GZF1: variants seen among roughly 807,000 people sequenced by gnomAD.
The protein encoded by GZF1 is GDNF-inducible zinc finger protein 1.
Under a neutral mutation model 49.4 loss-of-function variants are expected in GZF1, and 28 were observed. That is an observed-to-expected ratio of 0.57 (90% CI 0.42 to 0.78). The LOEUF (loss-of-function observed/expected upper bound fraction) is 0.78. GZF1 is among the 30% of genes least tolerant of loss of function. The pLI is 0.00. For missense variants in GZF1, 798 were observed against 916.2 expected (o/e 0.87, Z 1.67); for synonymous variants, 364 against 356.0 (o/e 1.02, Z -0.25).
In GZF1 at chr20:23,370,483, T is replaced by C. The variant is rs1490775511; in HGVS notation, c.*42T>C. The C allele has an allele frequency of 1.6e-6, 2 of 1,258,292 alleles. No individual in the cohort carries two copies. The highest frequency in any genetic ancestry group is 1.9e-5 in the Admixed American group (1 of 51,448). The allele number at this position is 1,258,292 out of a possible 1,614,324, so 77.9% of individuals were successfully genotyped here. A position where few individuals can be genotyped will look rare whatever the true frequency, so the allele number is the denominator to read the frequency against. On this transcript the variant is annotated 3_prime_UTR_variant, in exon 6 of 6. Transcript: ENST00000338121. The stretch of plus-strand genomic sequence containing the variant: ...CCATCCTGTTAGTCTGCGTGTGTGG[T>C]AGCTGAACTCAAGATGATGTGGGGC...
At position 23,370,258 on chromosome 20, in the gene GZF1, T is replaced by C. The variant is rs777758152; in HGVS notation, c.1953T>C (p.Ala651=). 1 of 1,614,238 alleles carries C rather than the reference T, an allele frequency of 6.2e-7. No individual in the cohort carries two copies. Among genetic ancestry groups the C allele is most frequent in the Non-Finnish European group, 8.5e-7 (1 of 1,180,048 alleles). ...FAENGHFHNL[A]AVQDTVPTMQ... The stretch of plus-strand genomic sequence containing the variant: ...AAAATGGCCATTTCCACAACCTGGC[T>C]GCAGTCCAAGACACTGTACCTACCA... The change falls in exon 6 of 6, where the codon GCT becomes GCC. Residue 651 remains alanine, a synonymous_variant. Transcript: ENST00000338121.
At chr20:23,363,805 A>C (rs1299410390) in intron 1 of GZF1, among the ~76,000 whole-genome samples, 1 of 152,238 alleles carries the variant, frequency 6.6e-6, no homozygotes. Flanking sequence ...CAATAATTCA[A>C]ATTCTGAGGA....
At position 23,372,092 on chromosome 20, in the gene GZF1, T is replaced by A. The variant is rs959520942; in HGVS notation, c.*1651T>A. ...TCATACATCCAGAGGAGACCGAACC[T>A]GCCCAGCTGATGTACTGTTTTATGG... On this transcript the variant is annotated 3_prime_UTR_variant, in exon 6 of 6. Transcript: ENST00000338121. The A allele has an allele frequency of 1.3e-5, 2 of 152,660 alleles. No individual in the cohort carries two copies. The highest frequency in any genetic ancestry group is 1.5e-5 in the Non-Finnish European group (1 of 68,034). The allele number at this position is 152,660 out of a possible 1,614,324, so 9.5% of individuals were successfully genotyped here.
rs770445391 is a variant in GZF1, at chr20:23,365,364, G to A, written c.981G>A (p.Leu327=). ...FKCSICEKAF[L]YEKSFLKHSK... ...GCAGCATTTGCGAGAAGGCGTTTCT[G>A]TATGAGAAGAGCTTCCTGAAGCACA... The change falls in exon 2 of 6, where the codon CTG becomes CTA. Residue 327 remains leucine, a synonymous_variant. Coordinates refer to ENST00000338121, the MANE Select transcript of GZF1 (RefSeq NM_022482.5). 2.3e-5 allele frequency: 37 copies of A among 1,613,136 alleles called. No homozygotes were observed. Among genetic ancestry groups the A allele is most frequent in the Non-Finnish European group, 3.1e-5 (36 of 1,179,576 alleles).
chr20:23,366,410 T>C (rs1981394269), intron 2 of GZF1, among the ~76,000 whole-genome samples: 1 of 152,232 alleles, frequency 6.6e-6, no homozygotes, highest in Non-Finnish European at 1.5e-5. Context: ...GTGTTCATTT[T>C]TTACTCTATA....
chr20:23,365,235 A>G lies in GZF1; in HGVS notation c.852A>G (p.Ala284=). ...TTTCCAAAAATGAGGGTTGCCAGGC[A>G]GGTGCTGAGTTGGAGGAATTGTCAA... ...EQVSKNEGCQ[A]GAELEELSKK... The change falls in exon 2 of 6, where the codon GCA becomes GCG. Residue 284 remains alanine (A), a synonymous_variant. Transcript: ENST00000338121. 1 of 1,603,788 alleles carries G rather than the reference A, an allele frequency of 6.2e-7. No individual in the cohort carries two copies. Among genetic ancestry groups the G allele is most frequent in the Non-Finnish European group, 8.5e-7 (1 of 1,174,418 alleles).
chr20:23,368,230 CTG>C (rs1200631888), intron 3 of GZF1, among the ~76,000 whole-genome samples: 3 of 152,114 alleles, frequency 2.0e-5, no homozygotes, highest in Non-Finnish European at 4.4e-5. Context: ...ATTTTGATGT[CTG>C]TGAAATCGGG....
chr20:23,364,734 AT>A lies in GZF1; in HGVS notation c.352del (p.Cys118ValfsTer11). 1 of 1,614,274 alleles carries A rather than the reference AT, an allele frequency of 6.2e-7. No homozygotes were observed. Among genetic ancestry groups the A allele is most frequent in the Non-Finnish European group, 8.5e-7 (1 of 1,180,050 alleles). On this transcript the variant is annotated frameshift_variant, in exon 2 of 6. Coordinates refer to ENST00000338121, the MANE Select transcript of GZF1 (RefSeq NM_022482.5). LOFTEE classifies it high-confidence loss of function. ...TGCTGGAAGTGGCTGAAAAGCTGAA[AT>A]GTTTGGATTTATCAGAAACTTGTTT... ...RMLEVAEKLK[C>X]LDLSETCFQL... is the part of the protein sequence containing the mutation.
intron 4 of GZF1, among the ~76,000 whole-genome samples, 185 bp downstream of exon 4, chr20:23,369,114 C>T (rs1981757344): frequency 6.6e-6 from 1 of 152,182 alleles, no homozygotes; most frequent in Non-Finnish European, 1.5e-5. Flanking sequence ...AGTGGGAGCA[C>T]TTATGTGTGT....
chr20:23,367,475 C>G (rs1981532125), intron 3 of GZF1, among the ~76,000 whole-genome samples: 1 of 152,128 alleles, frequency 6.6e-6, no homozygotes, highest in Non-Finnish European at 1.5e-5. Context: ...GGGAAACAGC[C>G]TGATTGTCCA....
At chr20:23,365,988 A>T (rs1981326454) in intron 2 of GZF1, among the ~76,000 whole-genome samples, 2 of 152,206 alleles carry the variant, frequency 1.3e-5, no homozygotes, top group Non-Finnish European at 2.9e-5. Flanking sequence ...TGGGACCGCG[A>T]CAGCGGCCGC....
rs1168626691 is a variant in GZF1 at position 23,372,668 on chromosome 20, TCCAAGCACAG to T, written c.*2231_*2240del. On this transcript the variant is annotated 3_prime_UTR_variant, in exon 6 of 6. Coordinates refer to ENST00000338121, the MANE Select transcript of GZF1 (RefSeq NM_022482.5). The stretch of plus-strand genomic sequence containing the variant: ...GGAGCATCTGCCCCATTCCTCCAAG[TCCAAGCACAG>T]CCATGCTGAGTGGAAGCGAGGCCAC... 1.3e-5 allele frequency: 2 copies of T among 152,256 alleles called. No individual in the cohort carries two copies. The highest frequency in any genetic ancestry group is 1.3e-4 in the Admixed American group (2 of 15,284). The allele number at this position is 152,256 out of a possible 1,614,324, so 9.4% of individuals were successfully genotyped here.
intron 4 of GZF1, among the ~76,000 whole-genome samples, chr20:23,369,138 C>G (rs556758585): frequency 1.3e-5 from 2 of 152,212 alleles, no homozygotes; most frequent in Non-Finnish European, 1.5e-5. Flanking sequence ...CGGGAGAAGA[C>G]TAAGTCCCTT....
intron 5 of GZF1, 98 bp from the exon 6 acceptor site, chr20:23,369,993 G>T: frequency 9.1e-7 from 1 of 1,103,410 alleles, no homozygotes; most frequent in Admixed American, 2.1e-5. Flanking sequence ...ACTTATTAGT[G>T]AAAGTTGAAA....
At position 23,367,023 on chromosome 20, in the gene GZF1, C is replaced by G. The variant is rs771163531; in HGVS notation, c.1385C>G (p.Pro462Arg). 50 of 1,612,422 alleles carry G rather than the reference C, an allele frequency of 3.1e-5. No individual in the cohort carries two copies. The highest frequency in any genetic ancestry group is 4.1e-5 in the Non-Finnish European group (48 of 1,179,084). Residue 462 changes from proline to arginine, a missense_variant, in exon 3 of 6, where the codon CCT becomes CGT. Physicochemically the swap from Pro to Arg is moderately radical, Grantham distance 103. Transcript: ENST00000338121. Reference protein sequence around the residue: ...THMRIHTGEKPFVCDECGARF... With the variant: ...THMRIHTGEKRFVCDECGARF... Reference sequence around the variant, plus strand: ...TTCAGAATTCATACAGGGGAAAAACCTTTTGTCTGTGATGAATGTGGTGCA... The same window carrying G: ...TTCAGAATTCATACAGGGGAAAAACGTTTTGTCTGTGATGAATGTGGTGCA...
At position 23,365,556 on chromosome 20, in the gene GZF1, C is replaced by G; in HGVS notation, c.1173C>G (p.Asp391Glu). Residue 391 changes from aspartate (D) to glutamate (E), a missense_variant, in exon 2 of 6, where the codon GAC (aspartate) becomes GAG (glutamate). Asp to Glu is a conservative substitution (Grantham distance 45). This residue lies in a region of GZF1 where 446 missense variants were observed against 540.1 expected (regional missense o/e 0.83). Coordinates refer to ENST00000338121, the MANE Select transcript of GZF1 (RefSeq NM_022482.5). ...GGAAGAAGTTCAAGCGCAAGAAGGA[C>G]GTGAAGCGGCACGTGCTGCAGGTGC... ...LCGKKFKRKK[D>E]VKRHVLQVHE... 2 of 1,612,618 alleles carry G rather than the reference C, an allele frequency of 1.2e-6. No individual in the cohort carries two copies. The highest frequency in any genetic ancestry group is 8.5e-7 in the Non-Finnish European group (1 of 1,179,668).
At position 23,369,718 on chromosome 20, in the gene GZF1, T is replaced by A; in HGVS notation, c.1762T>A (p.Ser588Thr). 6.2e-7 allele frequency: 1 copy of A among 1,613,080 alleles called. No homozygotes were observed. Among genetic ancestry groups the A allele is most frequent in the Non-Finnish European group, 8.5e-7 (1 of 1,179,468 alleles). ...NACGRTFTDK[S>T]TLRRHTSIHD... ...GTGCGGACGGACATTCACCGACAAGTCCACTCTTCGGCGGCACACCTCAGT... is the reference window on the plus strand; with the variant it reads ...GTGCGGACGGACATTCACCGACAAGACCACTCTTCGGCGGCACACCTCAGT... Residue 588 changes from serine (S) to threonine (T), a missense_variant, in exon 5 of 6, where the codon TCC becomes ACC. Around this residue, in one of 3 missense-constraint regions of GZF1, gnomAD observed 446 missense variants for 540.1 expected, o/e 0.83. Coordinates refer to ENST00000338121, the MANE Select transcript of GZF1 (RefSeq NM_022482.5).
At position 23,371,568 on chromosome 20, in the gene GZF1, T is replaced by G. The variant is rs1982078404; in HGVS notation, c.*1127T>G. On this transcript the variant is annotated 3_prime_UTR_variant, in exon 6 of 6. Transcript: ENST00000338121. ...TGTCCCAAATGCTTCTTTGGCTGTT[T>G]CATGCAGGACTTAATTATTGCTTTT... is the stretch of plus-strand genomic sequence containing the variant. The G allele has an allele frequency of 6.5e-6, 1 of 152,676 alleles. No homozygotes were observed. The highest frequency in any genetic ancestry group is 6.5e-5 in the Admixed American group (1 of 15,290). 9.5% of individuals were successfully genotyped at this position (152,676 alleles called of 1,614,324 possible).
rs1982221007 is a variant in GZF1 at position 23,372,933 on chromosome 20, T to C, written c.*2492T>C. The C allele has an allele frequency of 6.6e-6, 1 of 152,202 alleles. No individual in the cohort carries two copies. Among genetic ancestry groups the C allele is most frequent in the South Asian group, 2.1e-4 (1 of 4,834 alleles). 9.4% of individuals were successfully genotyped at this position (152,202 alleles called of 1,614,324 possible). ...ATGGGCCATGTGGTGGAGACCTTTA[T>C]TTAAGGTGATTTTTACAGAAATGTG... On this transcript the variant is annotated 3_prime_UTR_variant, in exon 6 of 6. Transcript: ENST00000338121.
Sources: gnomAD v4.1 joint callset for allele counts (sites outside exome capture counted in the v4.1 genomes callset) on GRCh38, gnomAD v4.1.1 for gene constraint, gnomAD v4.1.1 regional missense constraint, MANE v1.5 for transcripts, NCBI Gene and HGNC (gene_info 2026-07-23, HGNC 2026-07-21) for gene names.